ZNF195: variants seen among roughly 807,000 people sequenced by gnomAD.
ZNF195 encodes the protein zinc finger protein 195.
In ZNF195, 11 loss-of-function variants were observed where a neutral mutation model predicts 19.5. That is an observed-to-expected ratio of 0.57 (90% CI 0.36 to 0.94). The LOEUF is 0.94. Ranked by LOEUF, ZNF195 falls within the 40% of genes least tolerant of loss-of-function variation. The pLI is 0.01. For missense variants in ZNF195, 582 were observed against 709.0 expected (o/e 0.82, Z 2.03); for synonymous variants, 214 against 248.1 (o/e 0.86, Z 1.29).
At chr11:3,363,101 T>C (rs562700036) in intron 3 of ZNF195, among the ~76,000 whole-genome samples, 1 of 152,368 alleles carries the variant, frequency 6.6e-6, no homozygotes, top group Non-Finnish European at 1.5e-5. Context: ...TATATATATT[T>C]AGGTATTGAA....
chr11:3,374,802 C>T (rs1338507168), intron 1 of ZNF195, among the ~76,000 whole-genome samples: 2 of 152,234 alleles, frequency 1.3e-5, no homozygotes, highest in African/African-American at 4.8e-5. Context: ...AGTGCAAAGG[C>T]ACTTTCCATT....
chr11:3,370,909 G>A, intron 3 of ZNF195, 66 bp downstream of exon 3: 1 of 1,540,024 alleles, frequency 6.5e-7, no homozygotes, highest in Admixed American at 1.7e-5. Flanking sequence ...ACATTTTAAG[G>A]TCTGGCTTCC....
chr11:3,372,469 T>A (rs1364838374), intron 1 of ZNF195, among the ~76,000 whole-genome samples: 1 of 152,256 alleles, frequency 6.6e-6, no homozygotes, highest in Non-Finnish European at 1.5e-5. Context: ...GACATATTAC[T>A]GGTGTGATAT....
At chr11:3,372,015 TA>T (rs767354513) in intron 1 of ZNF195, among the ~76,000 whole-genome samples, 2 of 152,240 alleles carry the variant, frequency 1.3e-5, no homozygotes, top group Non-Finnish European at 2.9e-5. Context: ...CATGGTGAGT[TA>T]GAAGCTGCCT....
intron 1 of ZNF195, chr11:3,375,429 G>C (rs2133739323): frequency 6.6e-6 from 1 of 152,300 alleles, no homozygotes; most frequent in Admixed American, 6.5e-5. Flanking sequence ...CCGGGCAAAA[G>C]CAACAGAAAT....
intron 1 of ZNF195, among the ~76,000 whole-genome samples, chr11:3,372,567 GGTTCTGACAAATA>G (rs1223404424): frequency 8.5e-6 from 1 of 117,586 alleles, no homozygotes; most frequent in East Asian, 5.2e-4. Context: ...ATATCTCCCA[GGTTCTGACAAATA>G]TCTCCCAGGT....
At chr11:3,368,168 G>T (rs898335626) in intron 3 of ZNF195, among the ~76,000 whole-genome samples, 1 of 152,200 alleles carries the variant, frequency 6.6e-6, no homozygotes. Flanking sequence ...ATTAGAATTT[G>T]AAATTAGAGA....
rs1018800505 is a variant in ZNF195, at chr11:3,360,126, G to A, written c.882C>T (p.Asp294=). The A allele has an allele frequency of 1.5e-5, 24 of 1,613,932 alleles. No homozygotes were observed. The highest frequency in any genetic ancestry group is 1.9e-5 in the Non-Finnish European group (22 of 1,180,008). The part of the protein sequence containing the change: ...CSHFTEPENI[D]TGEKPYKCQE... ...GACACTTGTAAGGTTTCTCTCCAGTGTCAATGTTCTCAGGTTCAGTAAAGT... is the reference window on the plus strand; with the variant it reads ...GACACTTGTAAGGTTTCTCTCCAGTATCAATGTTCTCAGGTTCAGTAAAGT... The change falls in exon 6 of 6, where the codon GAC becomes GAT. Residue 294 remains aspartate (D), a synonymous_variant. Transcript: ENST00000399602.
intron 3 of ZNF195, among the ~76,000 whole-genome samples, chr11:3,367,809 C>T (rs1004092020): frequency 3.9e-5 from 6 of 152,022 alleles, no homozygotes; most frequent in East Asian, 1.9e-4. Context: ...CAGTGGTTCA[C>T]GCCTGTAATC....
In ZNF195 at chr11:3,359,069, G is replaced by C; in HGVS notation, c.*49C>G. 4.0e-6 allele frequency: 6 copies of C among 1,497,784 alleles called. No individual in the cohort carries two copies. The highest frequency in any genetic ancestry group is 5.3e-6 in the Non-Finnish European group (6 of 1,125,360). The allele number at this position is 1,497,784 out of a possible 1,614,324, so 92.8% of individuals were successfully genotyped here. The stretch of plus-strand genomic sequence containing the variant: ...TGAACTCTGATGTAAAGTGGGATGC[G>C]AGCAGATACTAACGGCTTTGCCTAT... On this transcript the variant is annotated 3_prime_UTR_variant, in exon 6 of 6. Coordinates refer to ENST00000399602, the MANE Select transcript of ZNF195 (RefSeq NM_001130520.3). The surrounding 1 kb of genome is among the most constrained non-coding windows in gnomAD (Gnocchi z 5.5).
intron 3 of ZNF195, among the ~76,000 whole-genome samples, chr11:3,365,460 T>C (rs59047006): frequency 0.02 from 3,094 of 151,628 alleles, 106 homozygotes; most frequent in African/African-American, 0.072. Flanking sequence ...AAAGCAAAAG[T>C]AAAACTGGCA....
intron 1 of ZNF195, among the ~76,000 whole-genome samples, chr11:3,374,319 T>C (rs1305737062): frequency 6.6e-6 from 1 of 152,172 alleles, no homozygotes; most frequent in Non-Finnish European, 1.5e-5. Context: ...CCCCAAGACT[T>C]GTGATCATTA....
intron 3 of ZNF195, chr11:3,363,189 AACAG>A (rs2133678562): frequency 6.6e-6 from 1 of 152,350 alleles, no homozygotes; most frequent in South Asian, 2.1e-4. Flanking sequence ...CAAAGCAAGA[AACAG>A]ACAGCAATAT....
intron 3 of ZNF195, among the ~76,000 whole-genome samples, chr11:3,370,144 C>A (rs1849123567): frequency 6.6e-6 from 1 of 151,980 alleles, no homozygotes; most frequent in Admixed American, 6.6e-5. Context: ...GAAATCCTAT[C>A]ATTTCAAAAG....
chr11:3,365,036 C>T (rs1362940991), intron 3 of ZNF195, among the ~76,000 whole-genome samples: 1 of 152,164 alleles, frequency 6.6e-6, no homozygotes, highest in Non-Finnish European at 1.5e-5. Flanking sequence ...TAAGTCAGAA[C>T]TGTCACAGGA....
chr11:3,364,361 A>T (rs1848765921), intron 3 of ZNF195, among the ~76,000 whole-genome samples: 1 of 152,246 alleles, frequency 6.6e-6, no homozygotes, highest in African/African-American at 2.4e-5. Flanking sequence ...GCTAGACAGC[A>T]TTATAAAACC....
intron 3 of ZNF195, among the ~76,000 whole-genome samples, chr11:3,367,787 G>A (rs1004108370): frequency 6.6e-6 from 1 of 152,004 alleles, no homozygotes; most frequent in Non-Finnish European, 1.5e-5. Context: ...AATGTGGAGT[G>A]CTTGCCGGGT....
rs1166816419 is a variant in ZNF195 at position 3,359,783 on chromosome 11, G to T, written c.1225C>A (p.Pro409Thr). ...KHQRNEIGGK[P>T]FKCEECDSIF... The stretch of plus-strand genomic sequence containing the variant: ...CTGTCACATTCCTCACATTTGAAAG[G>T]TTTCCCTCCAATCTCATTTCTCTGG... The change falls in exon 6 of 6, where the codon CCT becomes ACT. Residue 409 changes from proline to threonine, a missense_variant. Pro to Thr is a conservative substitution (Grantham distance 38, BLOSUM62 -1). Coordinates refer to ENST00000399602, the MANE Select transcript of ZNF195 (RefSeq NM_001130520.3). This position sits in a 1 kb window ranked among gnomAD's most constrained non-coding sequence, Gnocchi z 5.5. The T allele has an allele frequency of 8.7e-6, 14 of 1,614,014 alleles. No individual in the cohort carries two copies. The highest frequency in any genetic ancestry group is 6.7e-5 in the East Asian group (3 of 44,892).
rs768046996 is a variant in ZNF195 at position 3,360,140 on chromosome 11, G to A, written c.868C>T (p.Pro290Ser). ...TTCTCTCCAGTGTCAATGTTCTCAG[G>A]TTCAGTAAAGTGTGAGCACTGGATA... ...TFIQCSHFTE[P>S]ENIDTGEKPY... Residue 290 changes from proline to serine, a missense_variant, in exon 6 of 6, where the codon CCT becomes TCT. By Grantham distance (74) the Pro-to-Ser change is moderately conservative (BLOSUM62 -1). This residue lies in a region of ZNF195 where 407 missense variants were observed against 530.5 expected (regional missense o/e 0.77). Transcript: ENST00000399602. 3.1e-6 allele frequency: 5 copies of A among 1,613,982 alleles called. No homozygotes were observed. In the South Asian group the frequency reaches 4.4e-5, roughly 14 times the overall value.
Sources: gnomAD v4.1 joint callset for allele counts (sites outside exome capture counted in the v4.1 genomes callset) on GRCh38, gnomAD v4.1.1 for gene constraint, gnomAD v4.1.1 regional missense constraint, Gnocchi (gnomAD v3.1) non-coding constraint, MANE v1.5 for transcripts, NCBI Gene and HGNC (gene_info 2026-07-23, HGNC 2026-07-21) for gene names.